USH2A: variants seen among roughly 807,000 people sequenced by gnomAD.
USH2A encodes the protein usherin.
A neutral mutation model predicts 538.9 loss-of-function variants in USH2A; 443 were observed. That is an observed-to-expected ratio of 0.82 (90% CI 0.76 to 0.89). The LOEUF is 0.89. Ranked by LOEUF, USH2A falls within the 40% of genes least tolerant of loss-of-function variation. The probability of loss-of-function intolerance (pLI) is 0.00; values close to 1 mark genes in which losing one functional copy is unlikely to be tolerated. For synonymous variants in USH2A, 2,413 were observed against 2,273.5 expected (o/e 1.06, Z -1.75); for missense variants, 6,633 against 6,324.8 (o/e 1.05, Z -1.65).
intron 37 of USH2A, among the ~76,000 whole-genome samples, chr1:215,943,546 C>G (rs1558174120): frequency 6.6e-6 from 1 of 151,994 alleles, no homozygotes; most frequent in Non-Finnish European, 1.5e-5. Context: ...GAAAGGACAC[C>G]TGAAGTTCAT....
intron 11 of USH2A, among the ~76,000 whole-genome samples, chr1:216,258,952 G>T (rs1423424421): frequency 6.6e-6 from 1 of 152,078 alleles, no homozygotes; most frequent in Admixed American, 6.6e-5. Context: ...CATTTATTCA[G>T]CTGTTTAACA....
At chr1:216,374,555 C>T (rs2038781990) in intron 3 of USH2A, among the ~76,000 whole-genome samples, 2 of 152,118 alleles carry the variant, frequency 1.3e-5, no homozygotes, top group Non-Finnish European at 2.9e-5. Context: ...CAATTTTCCC[C>T]TTTGCAATTA....
At chr1:216,009,861 G>C (rs1668501560) in intron 32 of USH2A, among the ~76,000 whole-genome samples, 1 of 152,068 alleles carries the variant, frequency 6.6e-6, no homozygotes, top group South Asian at 2.1e-4. Flanking sequence ...TAGAGCTAAA[G>C]GCATAGTCAA....
intron 27 of USH2A, among the ~76,000 whole-genome samples, chr1:216,074,518 C>A (rs1386495744): frequency 6.6e-6 from 1 of 152,114 alleles, no homozygotes; most frequent in Non-Finnish European, 1.5e-5. Flanking sequence ...CATATGATGT[C>A]TTATTATGCC....
chr1:216,375,811 C>G (rs183057656), intron 3 of USH2A, among the ~76,000 whole-genome samples: 1 of 152,238 alleles, frequency 6.6e-6, no homozygotes, highest in Admixed American at 6.5e-5. Context: ...AGAAATGTTA[C>G]TCTTCCTTTC....
rs1558037018 is a variant in USH2A, at chr1:215,648,585, G to A, written c.14525C>T (p.Ser4842Leu). ...ACTCCACCGGAAGGAGGCCGTCCTTGAGGCCAGCGTCCCGATTTGTGGAGA... is the reference window on the plus strand; with the variant it reads ...ACTCCACCGGAAGGAGGCCGTCCTTAAGGCCAGCGTCCCGATTTGTGGAGA... The part of the protein sequence containing the change: ...LSSPQIGTLA[S>L]RTASFRWSPP... The change falls in exon 66 of 72, where the codon TCA (serine) becomes TTA (leucine). Residue 4842 changes from serine to leucine, a missense_variant. By Grantham distance (145) the Ser-to-Leu change is moderately radical (BLOSUM62 -2). Coordinates refer to ENST00000307340, the MANE Select transcript of USH2A (RefSeq NM_206933.4). 6.2e-7 allele frequency: 1 copy of A among 1,614,188 alleles called. No homozygotes were observed. The highest frequency in any genetic ancestry group is 1.7e-5 in the Admixed American group (1 of 60,018).
intron 61 of USH2A, among the ~76,000 whole-genome samples, chr1:215,691,301 A>G (rs1368245677): frequency 2.0e-5 from 3 of 152,170 alleles, no homozygotes; most frequent in African/African-American, 7.2e-5. Context: ...CAAGTTATTC[A>G]TAATCAAAGC....
Position 216,225,867 on chromosome 1 carries a change from G to A in USH2A, c.2993+6086C>T, listed in dbSNP as rs147258650. On this transcript the variant is annotated intron_variant, in intron 14 of 71. Transcript: ENST00000307340. ...TGAAATGCACGAGGGACTTGCAAGC[G>A]TAAAACTCAGAGAGACAGCTGGCTA... 2.7e-3 allele frequency among the ~76,000 whole-genome samples: 413 copies of A among 152,250 alleles called. 1 individual carries two copies. Among genetic ancestry groups the A allele is most frequent in the Middle Eastern group, 0.01 (3 of 294 alleles).
chr1:215,745,610 A>G (rs1043054670), intron 58 of USH2A, among the ~76,000 whole-genome samples: 2 of 152,196 alleles, frequency 1.3e-5, no homozygotes, highest in African/African-American at 4.8e-5. Flanking sequence ...CCTCAAGACA[A>G]TACTGCATGG....
intron 35 of USH2A, among the ~76,000 whole-genome samples, chr1:215,973,653 CTTCTT>C (rs1667548235): frequency 9.4e-6 from 1 of 106,038 alleles, no homozygotes; most frequent in African/African-American, 3.4e-5. Context: ...TCTTCTTCTT[CTTCTT>C]TTTTTTTTTT....
intron 4 of USH2A, among the ~76,000 whole-genome samples, chr1:216,330,624 A>G (rs116712188): frequency 0.013 from 2,037 of 151,900 alleles, 47 homozygotes; most frequent in African/African-American, 0.043. Context: ...GGGAGAGGGG[A>G]GGATGGAGGT....
chr1:215,756,919 T>TAAAC (rs58389913), intron 58 of USH2A, among the ~76,000 whole-genome samples: 5 of 147,352 alleles, frequency 3.4e-5, no homozygotes, highest in South Asian at 2.2e-4. Flanking sequence ...GGTCTCAAAA[T>TAAAC]AAACAAACAA....
intron 71 of USH2A, among the ~76,000 whole-genome samples, chr1:215,627,461 C>CTTCCTTCT: frequency 7.5e-6 from 1 of 133,274 alleles, no homozygotes. Context: ...TCCTTCCTTC[C>CTTCCTTCT]TTCCTTCCTT....
chr1:216,387,242 T>C (rs998673866), intron 3 of USH2A, among the ~76,000 whole-genome samples: 1 of 152,204 alleles, frequency 6.6e-6, no homozygotes, highest in Non-Finnish European at 1.5e-5. Flanking sequence ...AAACAGTCAA[T>C]GACTTCTCAC....
intron 24 of USH2A, among the ~76,000 whole-genome samples, chr1:216,086,311 G>A (rs557616352): frequency 6.6e-6 from 1 of 152,170 alleles, no homozygotes; most frequent in East Asian, 1.9e-4. Flanking sequence ...TTGGTTTAGT[G>A]CCTATCACAT....
chr1:216,007,714 T>G (rs1386575755), intron 32 of USH2A, among the ~76,000 whole-genome samples: 1 of 152,200 alleles, frequency 6.6e-6, no homozygotes, highest in African/African-American at 2.4e-5. Flanking sequence ...GTTGTCTCAA[T>G]AGTTATCCCT....
At chr1:215,627,428 C>CCTT (rs1656080101) in intron 71 of USH2A, among the ~76,000 whole-genome samples, 1 of 95,302 alleles carries the variant, frequency 1.0e-5, no homozygotes, top group Non-Finnish European at 2.1e-5. Flanking sequence ...TTCCTTCCTT[C>CCTT]CTTCCTTCCT....
chr1:216,300,008 A>G (rs1027657493), intron 9 of USH2A, among the ~76,000 whole-genome samples: 4 of 152,194 alleles, frequency 2.6e-5, no homozygotes, highest in African/African-American at 9.6e-5. Context: ...CAGAAGGAAT[A>G]CTTTGTAGTC....
rs565091920 is a variant in USH2A at position 216,080,400 on chromosome 1, A to G, written c.5299-2038T>C. On this transcript the variant is annotated intron_variant, in intron 26 of 71. Transcript: ENST00000307340. ...AAAAACAGAATGACAGAAAAAGGAC[A>G]AAAAATATAAGAAATAAAAATCATT... Among the ~76,000 whole-genome samples the G allele has an allele frequency of 5.2e-4, 79 of 152,154 alleles. 2 individuals carry two copies. Among genetic ancestry groups the G allele is most frequent in the African/African-American group, 1.7e-3 (72 of 41,546 alleles).
Sources: allele counts gnomAD v4.1 joint callset (sites outside exome capture counted in the v4.1 genomes callset), GRCh38; gene constraint gnomAD v4.1.1; transcripts MANE v1.5; gene names NCBI Gene and HGNC (gene_info 2026-07-23, HGNC 2026-07-21).